The following XPR1 variants were observed in gnomAD, a reference collection of about 807,000 sequenced individuals.
The protein encoded by XPR1 is xenotropic and polytropic retrovirus receptor 1.
In XPR1, 28 loss-of-function variants were observed where a neutral mutation model predicts 87.5. The ratio of observed to expected loss-of-function variants is 0.32; its 90% CI spans 0.24 to 0.44. The LOEUF (loss-of-function observed/expected upper bound fraction) is 0.44, where lower values mean the gene tolerates loss of function less well. Among genes scored for constraint, XPR1 ranks in the 20% least tolerant of loss-of-function variants. The pLI is 1.00. For synonymous variants in XPR1, 300 were observed against 306.1 expected, an observed-to-expected ratio of 0.98 and a Z score of 0.21; for missense variants, 559 against 862.3, an observed-to-expected ratio of 0.65 and a Z score of 4.41.
chr1:180,695,417 T>TGTGA (rs1250520544), intron 2 of XPR1, among the ~76,000 whole-genome samples: 40 of 150,172 alleles, frequency 2.7e-4, no homozygotes, highest in Non-Finnish European at 4.3e-4. Flanking sequence ...TTTGTGTGTG[T>TGTGA]GTGTGTGTGT....
intron 3 of XPR1, among the ~76,000 whole-genome samples, chr1:180,791,352 A>C (rs1281660046): frequency 6.6e-6 from 1 of 151,954 alleles, no homozygotes; most frequent in Non-Finnish European, 1.5e-5. Flanking sequence ...GCTCACTGCA[A>C]CCTCTGCCTC....
chr1:180,668,209 A>G (rs1571702311), intron 1 of XPR1, among the ~76,000 whole-genome samples: 1 of 144,294 alleles, frequency 6.9e-6, no homozygotes, highest in East Asian at 2.0e-4. Context: ...GTCAATTGCA[A>G]CCTCCACCTT....
intron 9 of XPR1, among the ~76,000 whole-genome samples, chr1:180,826,113 A>G (rs557810344): frequency 5.9e-4 from 90 of 152,238 alleles, no homozygotes; most frequent in African/African-American, 2.0e-3. Flanking sequence ...TTTTTCTTCC[A>G]CTTTACCTGT....
intron 3 of XPR1, among the ~76,000 whole-genome samples, chr1:180,802,659 G>T (rs777800725): frequency 3.9e-5 from 6 of 152,104 alleles, no homozygotes; most frequent in Middle Eastern, 3.4e-3. Context: ...GACATATCTC[G>T]TACCCATTAG....
chr1:180,721,221 CAAAA>C (rs113624114), intron 2 of XPR1, among the ~76,000 whole-genome samples: 1 of 107,708 alleles, frequency 9.3e-6, no homozygotes, highest in Non-Finnish European at 2.0e-5. Context: ...AACTCTGTCT[CAAAA>C]AAAAAAAAAA....
At chr1:180,678,051 T>C (rs1656424638) in intron 1 of XPR1, among the ~76,000 whole-genome samples, 1 of 152,234 alleles carries the variant, frequency 6.6e-6, no homozygotes, top group Non-Finnish European at 1.5e-5. Context: ...GCACTGTACT[T>C]ACCATTACAG....
intron 4 of XPR1, among the ~76,000 whole-genome samples, chr1:180,805,055 CT>C (rs1306181115): frequency 6.6e-6 from 1 of 152,112 alleles, no homozygotes; most frequent in African/African-American, 2.4e-5. Flanking sequence ...GAAAGTTCTG[CT>C]TTATCTTCTA....
At position 180,774,662 on chromosome 1, in the gene XPR1, C is replaced by T. The variant is rs374359887; in HGVS notation, c.122-13091C>T. Among the ~76,000 whole-genome samples the T allele has an allele frequency of 1.1e-4, 16 of 151,970 alleles. No individual in the cohort carries two copies. The East Asian group carries it at 2.1e-3, about 20-fold the overall frequency. On this transcript the variant is annotated intron_variant, in intron 2 of 14. Coordinates refer to ENST00000367590, the MANE Select transcript of XPR1 (RefSeq NM_004736.4). ...GACCTCGTGATCTGCCTGCCTCGGC[C>T]GCCCAAAGTGCTGGGATTACAGGTG...
At chr1:180,649,101 G>A (rs1443810006) in intron 1 of XPR1, among the ~76,000 whole-genome samples, 1 of 152,036 alleles carries the variant, frequency 6.6e-6, no homozygotes, top group African/African-American at 2.4e-5. Context: ...TCTAGTGCAA[G>A]CTAATAGCCA....
At chr1:180,768,591 C>A (rs1052905103) in intron 2 of XPR1, among the ~76,000 whole-genome samples, 1 of 152,184 alleles carries the variant, frequency 6.6e-6, no homozygotes, top group Admixed American at 6.5e-5. Flanking sequence ...CACCCTTTAC[C>A]AAAGTTAAGT....
intron 14 of XPR1, among the ~76,000 whole-genome samples, chr1:180,883,069 C>G (rs1479492668): frequency 2.7e-5 from 4 of 150,398 alleles, no homozygotes; most frequent in Non-Finnish European, 5.9e-5. Context: ...CTGAAATGAT[C>G]CTCCTTCCTC....
At chr1:180,819,815 C>T (rs1199423320) in intron 7 of XPR1, among the ~76,000 whole-genome samples, 3 of 152,002 alleles carry the variant, frequency 2.0e-5, no homozygotes, top group Non-Finnish European at 4.4e-5. Context: ...CTCAGGAGTT[C>T]GAGACCAGCC....
At chr1:180,813,870 G>A (rs1373487450) in intron 7 of XPR1, among the ~76,000 whole-genome samples, 2 of 152,114 alleles carry the variant, frequency 1.3e-5, no homozygotes, top group South Asian at 4.1e-4. Flanking sequence ...TGGCAAAACT[G>A]CAATTACTTT....
intron 2 of XPR1, among the ~76,000 whole-genome samples, chr1:180,767,058 G>A (rs1385556459): frequency 1.3e-5 from 2 of 152,012 alleles, no homozygotes; most frequent in African/African-American, 2.4e-5. Context: ...TTCTTTTCTC[G>A]CTCTCTCCAT....
At chr1:180,637,754 A>G (rs771671950) in intron 1 of XPR1, among the ~76,000 whole-genome samples, 1 of 152,110 alleles carries the variant, frequency 6.6e-6, no homozygotes, top group Non-Finnish European at 1.5e-5. Flanking sequence ...GGGCTTCACC[A>G]TGTTGGCCAG....
intron 4 of XPR1, 70 bp from the exon 5 acceptor site, chr1:180,805,992 G>A: frequency 6.5e-7 from 1 of 1,536,988 alleles, no homozygotes; most frequent in Non-Finnish European, 8.8e-7. Flanking sequence ...TCAGTGCTTA[G>A]TGCTTATTCT....
intron 2 of XPR1, among the ~76,000 whole-genome samples, chr1:180,706,139 A>C (rs1657550290): frequency 6.6e-6 from 1 of 152,242 alleles, no homozygotes; most frequent in Non-Finnish European, 1.5e-5. Flanking sequence ...GAGCTTAAAT[A>C]ATTTAAAAAG....
intron 3 of XPR1, among the ~76,000 whole-genome samples, chr1:180,800,852 G>A (rs1281840861): frequency 6.6e-6 from 1 of 152,190 alleles, no homozygotes; most frequent in Non-Finnish European, 1.5e-5. Context: ...TTCCACTTCA[G>A]TCAGGGGTCT....
rs913283595 is a variant in XPR1 at position 180,844,104 on chromosome 1, G to A, written c.1501+7388G>A. Among the ~76,000 whole-genome samples the A allele has an allele frequency of 9.6e-4, 146 of 152,176 alleles. 1 individual carries two copies. The highest frequency in any genetic ancestry group is 3.4e-3 in the African/African-American group (140 of 41,524). On this transcript the variant is annotated intron_variant, in intron 11 of 14. Transcript: ENST00000367590. The stretch of plus-strand genomic sequence containing the variant: ...CAGGCGCCTGTAATCCCAGCTACTC[G>A]GGAGGCTGAGGCAGGAGAATCATTT...
Sources: allele counts gnomAD v4.1 joint callset (sites outside exome capture counted in the v4.1 genomes callset), GRCh38; gene constraint gnomAD v4.1.1; transcripts MANE v1.5; gene names NCBI Gene and HGNC (gene_info 2026-07-23, HGNC 2026-07-21).